The following FAF1 variants were observed in gnomAD, a reference collection of about 807,000 sequenced individuals.
FAF1 encodes the protein Fas associated factor 1, also known as FAS-associated factor 1.
Under a neutral mutation model 92.5 loss-of-function variants are expected in FAF1, and 25 were observed. The ratio of observed to expected loss-of-function variants is 0.27; its 90% CI spans 0.20 to 0.38. The LOEUF (loss-of-function observed/expected upper bound fraction) is 0.38, where lower values mean the gene tolerates loss of function less well. FAF1 is among the 10% of genes least tolerant of loss of function. FAF1 has a pLI of 1.00. For synonymous variants in FAF1, 234 were observed against 273.2 expected (o/e 0.86, Z 1.42); for missense variants, 636 against 793.3 (o/e 0.80, Z 2.38).
In FAF1 at chr1:50,713,359, C is replaced by T. The variant is rs532372240; in HGVS notation, c.552-7468G>A. Among the ~76,000 whole-genome samples, 367 of 151,430 alleles carry T rather than the reference C, an allele frequency of 2.4e-3. 1 individual carries two copies. Among genetic ancestry groups the T allele is most frequent in the African/African-American group, 8.6e-3 (357 of 41,292 alleles). On this transcript the variant is annotated intron_variant, in intron 6 of 18. Transcript: ENST00000396153. ...CACGATCTAGGTTCACTGCAACCTC[C>T]GCCTCCCAGGATCAAGCGATTCTCC...
Position 50,653,508 on chromosome 1 carries a change from G to A in FAF1, c.744+1934C>T, listed in dbSNP as rs573378619. On this transcript the variant is annotated intron_variant, in intron 8 of 18. Coordinates refer to ENST00000396153, the MANE Select transcript of FAF1 (RefSeq NM_007051.3). The stretch of plus-strand genomic sequence containing the variant: ...TGGGATTAAAGTCACAAGCCACCAC[G>A]CCCGGCTAATTTTGTATTTTTGGTA... 5.9e-5 allele frequency among the ~76,000 whole-genome samples: 9 copies of A among 152,138 alleles called. No homozygotes were observed. The South Asian group carries it at 1.5e-3, about 25-fold the overall frequency.
Position 50,843,199 on chromosome 1 carries a change from C to T in FAF1, c.114+14730G>A, listed in dbSNP as rs79470955. On this transcript the variant is annotated intron_variant, in intron 2 of 18. Transcript: ENST00000396153. Reference sequence around the variant, plus strand: ...CTGATATTTTTTTAATATTGAGGGCCGTGTGTCACATATGTGATAAGAGGG... The same window carrying T: ...CTGATATTTTTTTAATATTGAGGGCTGTGTGTCACATATGTGATAAGAGGG... Among the ~76,000 whole-genome samples the T allele has an allele frequency of 3.0e-3, 449 of 152,034 alleles. 13 individuals carry two copies. In the East Asian group the frequency reaches 0.064, roughly 22 times the overall value.
At chr1:50,460,579 A>ATG (rs749471763) in intron 18 of FAF1, among the ~76,000 whole-genome samples, 12 of 151,744 alleles carry the variant, frequency 7.9e-5, no homozygotes, top group Admixed American at 3.9e-4. Context: ...ATATGCATGT[A>ATG]TGTGTGTGTG....
At chr1:50,547,905 A>C (rs754902730) in intron 13 of FAF1, among the ~76,000 whole-genome samples, 3 of 152,220 alleles carry the variant, frequency 2.0e-5, no homozygotes, top group Non-Finnish European at 4.4e-5. Context: ...GTAAGAACAT[A>C]AACATTTAAG....
chr1:50,843,325 C>T (rs1644271478), intron 2 of FAF1, among the ~76,000 whole-genome samples: 1 of 152,098 alleles, frequency 6.6e-6, no homozygotes, highest in African/African-American at 2.4e-5. Flanking sequence ...TACAAGCATA[C>T]AATGTACAAT....
intron 15 of FAF1, among the ~76,000 whole-genome samples, chr1:50,508,984 G>A (rs1352130632): frequency 6.6e-6 from 1 of 152,102 alleles, no homozygotes; most frequent in East Asian, 1.9e-4. Flanking sequence ...GATTACAGGC[G>A]TGAGCCACTG....
At chr1:50,818,908 T>C (rs1644004180) in intron 2 of FAF1, among the ~76,000 whole-genome samples, 1 of 152,146 alleles carries the variant, frequency 6.6e-6, no homozygotes, top group Non-Finnish European at 1.5e-5. Context: ...ATGCTTCATA[T>C]ATATCTTATA....
chr1:50,707,624 G>A (rs1231143766), intron 6 of FAF1, among the ~76,000 whole-genome samples: 1 of 151,998 alleles, frequency 6.6e-6, no homozygotes, highest in Non-Finnish European at 1.5e-5. Context: ...AACCCAGAAG[G>A]TGGAGGTTGC....
chr1:50,607,232 G>A lies in FAF1; in HGVS notation c.745-11016C>T, dbSNP rs190955514. On this transcript the variant is annotated intron_variant, in intron 8 of 18. Transcript: ENST00000396153. ...ACTCCTTTCTGCCATAAGTCAGCCT[G>A]TGGTATGATTCCAGGTGTGTAAATA... is the stretch of plus-strand genomic sequence containing the variant. Among the ~76,000 whole-genome samples the A allele has an allele frequency of 9.9e-5, 15 of 152,138 alleles. 1 individual carries two copies. The highest frequency in any genetic ancestry group is 3.4e-4 in the African/African-American group (14 of 41,504).
intron 1 of FAF1, among the ~76,000 whole-genome samples, chr1:50,867,257 T>C (rs1199089234): frequency 6.6e-6 from 1 of 152,200 alleles, no homozygotes; most frequent in Non-Finnish European, 1.5e-5. Flanking sequence ...GGAAAAACTA[T>C]TCTTGACATT....
rs185672378 is a variant in FAF1, at chr1:50,573,165, C to T, written c.1114-5934G>A. Among the ~76,000 whole-genome samples the T allele has an allele frequency of 3.1e-3, 469 of 151,388 alleles. 3 individuals carry two copies. Among genetic ancestry groups the T allele is most frequent in the Non-Finnish European group, 4.2e-3 (286 of 67,878 alleles). ...CTGTTGCCCAGGCTGATGGCACCAT[C>T]TCAGCTCACTGCAAACTCCGCCTCC... On this transcript the variant is annotated intron_variant, in intron 12 of 18. Transcript: ENST00000396153.
intron 2 of FAF1, among the ~76,000 whole-genome samples, chr1:50,835,656 A>T (rs1644194539): frequency 6.6e-6 from 1 of 151,986 alleles, no homozygotes; most frequent in Non-Finnish European, 1.5e-5. Context: ...AATTGGAGAC[A>T]CCATCTAAAC....
chr1:50,694,014 A>G (rs1027525687), intron 7 of FAF1, among the ~76,000 whole-genome samples: 1 of 152,132 alleles, frequency 6.6e-6, no homozygotes, highest in Non-Finnish European at 1.5e-5. Flanking sequence ...TATATACATG[A>G]CATATATGAC....
chr1:50,510,750 T>C (rs1386337552), intron 15 of FAF1, among the ~76,000 whole-genome samples: 1 of 152,210 alleles, frequency 6.6e-6, no homozygotes, highest in Non-Finnish European at 1.5e-5. Flanking sequence ...AAATACCAAA[T>C]TTCAAAAAGG....
intron 4 of FAF1, among the ~76,000 whole-genome samples, chr1:50,767,884 A>G (rs572101368): frequency 6.0e-4 from 92 of 152,334 alleles, no homozygotes; most frequent in Non-Finnish European, 9.1e-4. Flanking sequence ...AAACAATTAC[A>G]CAATCAAGTC....
intron 17 of FAF1, among the ~76,000 whole-genome samples, chr1:50,476,316 A>G (rs914237090): frequency 6.6e-6 from 1 of 152,214 alleles, no homozygotes; most frequent in African/African-American, 2.4e-5. Flanking sequence ...AGAACTTCAA[A>G]TATCAGGTTT....
chr1:50,705,728 G>A, intron 7 of FAF1, 58 bp downstream of exon 7: 2 of 930,908 alleles, frequency 2.1e-6, no homozygotes, highest in Non-Finnish European at 3.5e-6. Context: ...CTCTTTAACA[G>A]GGTCAACATT....
chr1:50,687,809 G>A (rs1384673193), intron 7 of FAF1, among the ~76,000 whole-genome samples: 2 of 151,350 alleles, frequency 1.3e-5, no homozygotes, highest in East Asian at 1.9e-4. Flanking sequence ...CCAGAACCAC[G>A]ATCAGATACC....
chr1:50,627,202 T>C (rs1653544674), intron 8 of FAF1, among the ~76,000 whole-genome samples: 1 of 152,112 alleles, frequency 6.6e-6, no homozygotes. Flanking sequence ...GTAGATATGA[T>C]AAAGAATACC....
Sources: gnomAD v4.1 joint callset for allele counts (sites outside exome capture counted in the v4.1 genomes callset) on GRCh38, gnomAD v4.1.1 for gene constraint, MANE v1.5 for transcripts, NCBI Gene and HGNC (gene_info 2026-07-23, HGNC 2026-07-21) for gene names.